DIS3L2: variants seen among roughly 807,000 people sequenced by gnomAD.
The protein encoded by DIS3L2 is DIS3 like 3'-5' exoribonuclease 2.
In DIS3L2, 34 loss-of-function variants were observed where a neutral mutation model predicts 97.5. That is an observed-to-expected ratio of 0.35 (90% CI 0.27 to 0.46). The LOEUF (loss-of-function observed/expected upper bound fraction) is 0.46. Among genes scored for constraint, DIS3L2 ranks in the 20% least tolerant of loss-of-function variants. The pLI, the probability that DIS3L2 is intolerant of heterozygous loss-of-function variation, is 1.00. For synonymous variants in DIS3L2, 435 were observed against 445.2 expected (o/e 0.98, Z 0.29); for missense variants, 1,038 against 1,146.0 (o/e 0.91, Z 1.36).
rs1693914820 is a variant in DIS3L2 at position 232,268,929 on chromosome 2, T to C, written c.1659+5489T>C. Among the ~76,000 whole-genome samples the C allele has an allele frequency of 6.6e-6, 1 of 152,222 alleles. No individual in the cohort carries two copies. Among genetic ancestry groups the C allele is most frequent in the East Asian group, 1.9e-4 (1 of 5,200 alleles). ...TTAGTACCATGCTTATCCAGTCCAA[T>C]GGGAGGTGGGGAGTAGAGGAATGAA... On this transcript the variant is annotated intron_variant, in intron 13 of 20. Coordinates refer to ENST00000325385, the MANE Select transcript of DIS3L2 (RefSeq NM_152383.5). This position sits in a 1 kb window ranked among gnomAD's most constrained non-coding sequence, Gnocchi z 4.1.
At chr2:232,147,751 G>T (rs1310014264) in intron 8 of DIS3L2, among the ~76,000 whole-genome samples, 1 of 152,076 alleles carries the variant, frequency 6.6e-6, no homozygotes, top group Non-Finnish European at 1.5e-5. Context: ...ATTTTAAATA[G>T]AATTTACAAT....
intron 9 of DIS3L2, among the ~76,000 whole-genome samples, chr2:232,193,264 A>G (rs971761485): frequency 6.6e-6 from 1 of 152,258 alleles, no homozygotes; most frequent in Non-Finnish European, 1.5e-5. Context: ...GGAGTTTTAA[A>G]TGCTGCTATC....
chr2:232,167,769 G>T (rs183853132), intron 9 of DIS3L2, among the ~76,000 whole-genome samples: 3 of 152,130 alleles, frequency 2.0e-5, no homozygotes, highest in African/African-American at 4.8e-5. Flanking sequence ...AAAAAATTCA[G>T]CCAGGCACAT....
intron 13 of DIS3L2, among the ~76,000 whole-genome samples, chr2:232,283,052 A>G (rs1417649718): frequency 1.3e-5 from 2 of 152,188 alleles, no homozygotes; most frequent in East Asian, 1.9e-4. Context: ...CTTATTTTCT[A>G]TAAAGAAGCA....
chr2:232,258,311 G>A (rs916503975), intron 12 of DIS3L2, among the ~76,000 whole-genome samples: 1 of 152,168 alleles, frequency 6.6e-6, no homozygotes, highest in Non-Finnish European at 1.5e-5. Flanking sequence ...GGGGCCAGGT[G>A]TGGTGGCTCA....
At chr2:232,041,072 A>G (rs1429285561) in intron 5 of DIS3L2, among the ~76,000 whole-genome samples, 4 of 152,202 alleles carry the variant, frequency 2.6e-5, no homozygotes, top group Admixed American at 1.3e-4. Flanking sequence ...AAAATAAACA[A>G]TTCAGAAAAT....
chr2:232,023,765 G>T (rs1001188426), intron 3 of DIS3L2, among the ~76,000 whole-genome samples: 2 of 152,176 alleles, frequency 1.3e-5, no homozygotes, highest in Non-Finnish European at 2.9e-5. Flanking sequence ...CAGCTCTGCA[G>T]AGGGGCCAGA....
At chr2:232,308,407 C>T (rs1695039376) in intron 14 of DIS3L2, among the ~76,000 whole-genome samples, 1 of 145,752 alleles carries the variant, frequency 6.9e-6, no homozygotes, top group Admixed American at 6.8e-5. Flanking sequence ...CTCTGCCTTA[C>T]TGCAGTTCTT....
intron 11 of DIS3L2, among the ~76,000 whole-genome samples, chr2:232,248,754 T>C (rs1361287555): frequency 6.6e-6 from 1 of 152,268 alleles, no homozygotes. Flanking sequence ...AGTAGTCTCT[T>C]AATGTTCCAA....
At chr2:232,085,184 C>T (rs1386837515) in intron 5 of DIS3L2, among the ~76,000 whole-genome samples, 4 of 152,218 alleles carry the variant, frequency 2.6e-5, no homozygotes, top group African/African-American at 7.2e-5. Context: ...ATTTCCTAAT[C>T]ACCCTACTGA....
At chr2:231,976,407 A>T (rs1003570262) in intron 1 of DIS3L2, among the ~76,000 whole-genome samples, 2 of 152,068 alleles carry the variant, frequency 1.3e-5, no homozygotes, top group African/African-American at 4.8e-5. Context: ...AGGCGGGCAG[A>T]TTGCTTGAGC....
chr2:232,026,912 C>G (rs1245153880), intron 4 of DIS3L2, among the ~76,000 whole-genome samples: 2 of 152,074 alleles, frequency 1.3e-5, no homozygotes, highest in Admixed American at 6.6e-5. Flanking sequence ...TTCTATGCCT[C>G]TTTTATTCTT....
chr2:232,105,169 T>A (rs1168860718), intron 6 of DIS3L2, among the ~76,000 whole-genome samples: 1 of 152,200 alleles, frequency 6.6e-6, no homozygotes, highest in Non-Finnish European at 1.5e-5. Context: ...TATTTCTACC[T>A]TTGGCTATTG....
At chr2:232,291,562 C>T (rs924077658) in intron 13 of DIS3L2, among the ~76,000 whole-genome samples, 2 of 152,242 alleles carry the variant, frequency 1.3e-5, no homozygotes, top group Non-Finnish European at 2.9e-5. Flanking sequence ...AACCTTGGTC[C>T]TAATAACTAG....
intron 9 of DIS3L2, chr2:232,172,811 C>T (rs1348441857): frequency 5.6e-6 from 3 of 530,998 alleles, no homozygotes; most frequent in Admixed American, 3.9e-5. Context: ...TTATAGCCAT[C>T]ATTGTAGGTG....
At chr2:232,181,821 G>T (rs1574930188) in intron 9 of DIS3L2, among the ~76,000 whole-genome samples, 1 of 146,284 alleles carries the variant, frequency 6.8e-6, no homozygotes, top group Non-Finnish European at 1.5e-5. Context: ...TTGTTTGTTT[G>T]TTTGTTTTTT....
intron 14 of DIS3L2, among the ~76,000 whole-genome samples, chr2:232,308,548 T>TGA (rs974813462): frequency 6.6e-6 from 1 of 152,182 alleles, no homozygotes; most frequent in Non-Finnish European, 1.5e-5. Context: ...TCTAGATGTG[T>TGA]GAGAGAGAGC....
At chr2:232,290,810 C>G (rs559461718) in intron 13 of DIS3L2, among the ~76,000 whole-genome samples, 1 of 152,188 alleles carries the variant, frequency 6.6e-6, no homozygotes, top group Non-Finnish European at 1.5e-5. Context: ...CGGCCAGCCT[C>G]GCTATAGACT....
At chr2:232,063,225 A>G (rs1292874355) in intron 5 of DIS3L2, among the ~76,000 whole-genome samples, 1 of 152,090 alleles carries the variant, frequency 6.6e-6, no homozygotes, top group East Asian at 1.9e-4. Context: ...TAGCTTTTCT[A>G]TGTAAAGTCC....
Sources: allele counts gnomAD v4.1 joint callset (sites outside exome capture counted in the v4.1 genomes callset), GRCh38; gene constraint gnomAD v4.1.1; non-coding constraint Gnocchi (gnomAD v3.1); transcripts MANE v1.5; gene names NCBI Gene and HGNC (gene_info 2026-07-23, HGNC 2026-07-21).